SIK2: variants seen among roughly 807,000 people sequenced by gnomAD.
SIK2 encodes the protein salt inducible kinase 2.
SIK2 carries 29 observed loss-of-function variants against 103.2 expected under a neutral mutation model. The observed-to-expected ratio is 0.28, with a 90% CI of 0.21 to 0.38. The LOEUF is 0.38. Among genes scored for constraint, SIK2 ranks in the 10% least tolerant of loss-of-function variants. The pLI is 1.00. For missense variants in SIK2, 879 were observed against 1,171.0 expected (o/e 0.75, Z 3.64); for synonymous variants, 412 against 446.1 (o/e 0.92, Z 0.96).
At position 111,602,697 on chromosome 11, in the gene SIK2, A is replaced by G; in HGVS notation, c.134A>G (p.Glu45Gly). 1 of 1,512,646 alleles carries G rather than the reference A, an allele frequency of 6.6e-7. No homozygotes were observed. Among genetic ancestry groups the G allele is most frequent in the Non-Finnish European group, 8.9e-7 (1 of 1,128,766 alleles). 93.7% of individuals were successfully genotyped at this position (1,512,646 alleles called of 1,614,324 possible). ...GGGCGGCACCGGATCACCAAGACGG[A>G]GGTGCGGCCCGGGGCTCGGCGGGAG... ...KLGRHRITKTEVAIKIIDKSQ... is the reference protein window; with the variant it reads ...KLGRHRITKTGVAIKIIDKSQ... Residue 45 changes from glutamate to glycine, a missense_variant and splice_region_variant, in exon 1 of 15, where the codon GAG (glutamate) becomes GGG (glycine). Around this residue, in one of 7 missense-constraint regions of SIK2, gnomAD observed 126 missense variants for 245.5 expected, o/e 0.51. Transcript: ENST00000304987. This position sits in a 1 kb window ranked among gnomAD's most constrained non-coding sequence, Gnocchi z 4.5.
At chr11:111,635,005 T>TATTAGATATGTATAATAGTTATCA in intron 3 of SIK2, among the ~76,000 whole-genome samples, 1 of 152,360 alleles carries the variant, frequency 6.6e-6, no homozygotes, top group South Asian at 2.1e-4. Flanking sequence ...TTTGAATTTT[T>TATTAGATATGTATAATAGTTATCA]ATTAGATATG....
intron 4 of SIK2, among the ~76,000 whole-genome samples, chr11:111,698,220 T>G (rs1472822159): frequency 6.6e-6 from 1 of 152,184 alleles, no homozygotes; most frequent in African/African-American, 2.4e-5. Flanking sequence ...AAGCTTTCTT[T>G]GTGCTAGATT....
At position 111,722,273 on chromosome 11, in the gene SIK2, A is replaced by G. The variant is rs1943824536; in HGVS notation, c.2055+333A>G. On this transcript the variant is annotated intron_variant, in intron 13 of 14. Coordinates refer to ENST00000304987, the MANE Select transcript of SIK2 (RefSeq NM_015191.3). The surrounding 1 kb of genome is among the most constrained non-coding windows in gnomAD (Gnocchi z 4.4). Reference sequence around the variant, plus strand: ...AAAACCTTAAGTCTGCAGAATTTCTACATGGGCTTTCTATGTTGGTGCATA... The same window carrying G: ...AAAACCTTAAGTCTGCAGAATTTCTGCATGGGCTTTCTATGTTGGTGCATA... Among the ~76,000 whole-genome samples, 1 of 152,222 alleles carries G rather than the reference A, an allele frequency of 6.6e-6. No individual in the cohort carries two copies. The highest frequency in any genetic ancestry group is 2.1e-4 in the South Asian group (1 of 4,830).
chr11:111,607,976 A>G (rs1242497513), intron 1 of SIK2, among the ~76,000 whole-genome samples: 1 of 152,324 alleles, frequency 6.6e-6, no homozygotes, highest in South Asian at 2.1e-4. Flanking sequence ...TTGGATTCAC[A>G]TGATGACATT....
intron 3 of SIK2, among the ~76,000 whole-genome samples, chr11:111,633,826 G>A (rs1942069866): frequency 6.6e-6 from 1 of 152,202 alleles, no homozygotes; most frequent in Non-Finnish European, 1.5e-5. Flanking sequence ...TGGTCTGGCA[G>A]CATGGAATAT....
chr11:111,685,548 G>A (rs796279666), intron 3 of SIK2, among the ~76,000 whole-genome samples: 11 of 152,188 alleles, frequency 7.2e-5, no homozygotes, highest in African/African-American at 2.2e-4. Flanking sequence ...TTAGAGTTTC[G>A]AAAGGATGGT....
chr11:111,658,068 CTTAT>C (rs1221525435), intron 3 of SIK2, among the ~76,000 whole-genome samples: 10 of 150,466 alleles, frequency 6.6e-5, no homozygotes, highest in Non-Finnish European at 1.2e-4. Context: ...TTTTAATTTA[CTTAT>C]TTATTTTTTC....
chr11:111,654,449 T>A (rs1942366021), intron 3 of SIK2, among the ~76,000 whole-genome samples: 1 of 152,216 alleles, frequency 6.6e-6, no homozygotes, highest in Non-Finnish European at 1.5e-5. Flanking sequence ...CATTGTCAGA[T>A]CATTTGGCCA....
In SIK2 at chr11:111,723,504, A is replaced by T; in HGVS notation, c.2156A>T (p.Gln719Leu). The change falls in exon 15 of 15, where the codon CAG becomes CTG. Residue 719 changes from glutamine (Q) to leucine (L), a missense_variant. Around this residue, in one of 7 missense-constraint regions of SIK2, gnomAD observed 375 missense variants for 416.3 expected, o/e 0.90. Transcript: ENST00000304987. ...EQQLQEHRLQ[Q>L]KRLFLQKQSQ... ...TGATATTACCAATTTAGGCTCCAGC[A>T]GAAGCGACTCTTTCTTCAGAAGCAG... is the stretch of plus-strand genomic sequence containing the variant. 1 of 1,600,002 alleles carries T rather than the reference A, an allele frequency of 6.2e-7. No individual in the cohort carries two copies. Among genetic ancestry groups the T allele is most frequent in the Non-Finnish European group, 8.5e-7 (1 of 1,171,192 alleles).
Position 111,725,089 on chromosome 11 carries a change from G to C in SIK2, c.*960G>C, listed in dbSNP as rs1310614841. ...GTAGTTTATTGAGCTTTGTATATTT[G>C]GACAGTTTCATATAGGGCTTAGAGA... On this transcript the variant is annotated 3_prime_UTR_variant, in exon 15 of 15. Transcript: ENST00000304987. 1 of 152,594 alleles carries C rather than the reference G, an allele frequency of 6.6e-6. No homozygotes were observed. The allele number at this position is 152,594 out of a possible 1,614,324, so 9.5% of individuals were successfully genotyped here. A position where few individuals can be genotyped will look rare whatever the true frequency, so the allele number is the denominator to read the frequency against.
chr11:111,649,770 G>A (rs1382084936), intron 3 of SIK2, among the ~76,000 whole-genome samples: 2 of 152,140 alleles, frequency 1.3e-5, no homozygotes, highest in African/African-American at 4.8e-5. Context: ...TGGCAGTGAT[G>A]TCATGATGGT....
intron 3 of SIK2, among the ~76,000 whole-genome samples, chr11:111,640,976 A>G (rs1942175633): frequency 6.6e-6 from 1 of 152,082 alleles, no homozygotes. Context: ...ATTTGTAGGC[A>G]TAAAGTTACA....
chr11:111,622,776 CT>C, intron 3 of SIK2, among the ~76,000 whole-genome samples: 2 of 152,184 alleles, frequency 1.3e-5, no homozygotes, highest in East Asian at 3.9e-4. Flanking sequence ...CCACTGTTAT[CT>C]TTTTCTTTAT....
chr11:111,628,094 C>T (rs919408830), intron 3 of SIK2, among the ~76,000 whole-genome samples: 1 of 152,206 alleles, frequency 6.6e-6, no homozygotes, highest in Admixed American at 6.5e-5. Context: ...CCTCAGTTTG[C>T]AAATAGGGTA....
chr11:111,699,327 C>T (rs893842901), intron 4 of SIK2, among the ~76,000 whole-genome samples: 1 of 152,310 alleles, frequency 6.6e-6, no homozygotes, highest in South Asian at 2.1e-4. Flanking sequence ...TTTTCTACCC[C>T]TCCTATCTAC....
chr11:111,713,381 C>T (rs1943553942), intron 9 of SIK2, among the ~76,000 whole-genome samples: 1 of 152,116 alleles, frequency 6.6e-6, no homozygotes, highest in African/African-American at 2.4e-5. Flanking sequence ...AAATAGACCT[C>T]CTCTTAGTGT....
At chr11:111,695,040 T>C (rs1943037231) in intron 4 of SIK2, among the ~76,000 whole-genome samples, 1 of 152,216 alleles carries the variant, frequency 6.6e-6, no homozygotes, top group Non-Finnish European at 1.5e-5. Flanking sequence ...CAACAAAGTA[T>C]GCATTGACGT....
chr11:111,621,758 A>G (rs1003134485), intron 3 of SIK2, among the ~76,000 whole-genome samples: 1 of 152,134 alleles, frequency 6.6e-6, no homozygotes, highest in Non-Finnish European at 1.5e-5. Context: ...TACTAAAAAT[A>G]CAAAAATTAG....
Position 111,679,686 on chromosome 11 carries a change from C to T in SIK2, c.317-8315C>T, listed in dbSNP as rs549083029. Among the ~76,000 whole-genome samples the T allele has an allele frequency of 4.5e-4, 68 of 152,186 alleles. 1 individual carries two copies. The highest frequency in any genetic ancestry group is 7.1e-4 in the Non-Finnish European group (48 of 68,004). ...CCATTTTCTGCTAGTGTTCACATGT[C>T]GGGTGGTACATATATCAGTGTGCTA... On this transcript the variant is annotated intron_variant, in intron 3 of 14. Transcript: ENST00000304987.
Sources: allele counts gnomAD v4.1 joint callset (sites outside exome capture counted in the v4.1 genomes callset), GRCh38; gene constraint gnomAD v4.1.1; regional missense constraint gnomAD v4.1.1; non-coding constraint Gnocchi (gnomAD v3.1); transcripts MANE v1.5; gene names NCBI Gene and HGNC (gene_info 2026-07-23, HGNC 2026-07-21).